The following RFTN2 variants were observed in gnomAD, a reference collection of about 807,000 sequenced individuals.
RFTN2 encodes the protein raftlin-2.
In RFTN2, 34 loss-of-function variants were observed where a neutral mutation model predicts 52.7. That is an observed-to-expected ratio of 0.64 (90% CI 0.49 to 0.86). The LOEUF is 0.86. RFTN2 is among the 40% of genes least tolerant of loss of function. RFTN2 has a pLI of 0.00. For synonymous variants in RFTN2, 203 were observed against 217.7 expected (o/e 0.93, Z 0.59); for missense variants, 536 against 600.1 (o/e 0.89, Z 1.12).
chr2:197,630,554 G>A (rs531024256), intron 5 of RFTN2, among the ~76,000 whole-genome samples: 2 of 152,276 alleles, frequency 1.3e-5, no homozygotes, highest in East Asian at 3.9e-4. Flanking sequence ...CAGAGCCAAC[G>A]TCACTTTCTA....
chr2:197,577,839 C>A (rs1455337894), intron 8 of RFTN2, among the ~76,000 whole-genome samples: 1 of 152,190 alleles, frequency 6.6e-6, no homozygotes, highest in Non-Finnish European at 1.5e-5. Context: ...CTGCCTCAGC[C>A]TCCAGAGTAG....
rs187244885 is a variant in RFTN2 at position 197,627,449 on chromosome 2, G to A, written c.928+3562C>T. Among the ~76,000 whole-genome samples the A allele has an allele frequency of 5.3e-5, 8 of 152,318 alleles. No homozygotes were observed. In the East Asian group the frequency reaches 1.2e-3, roughly 22 times the overall value. On this transcript the variant is annotated intron_variant, in intron 5 of 8. Transcript: ENST00000295049. ...GCTAGCGCCTTGTAAGTAGGGAAGA[G>A]TATTATAAACCCAGTGCTTGGCATG...
intron 5 of RFTN2, among the ~76,000 whole-genome samples, chr2:197,625,247 G>A (rs1167543439): frequency 6.6e-6 from 1 of 152,180 alleles, no homozygotes; most frequent in Non-Finnish European, 1.5e-5. Context: ...TTGTGAACTT[G>A]TGTACTCCTT....
chr2:197,638,106 G>GT (rs2106241651), intron 3 of RFTN2, among the ~76,000 whole-genome samples: 1 of 150,864 alleles, frequency 6.6e-6, no homozygotes, highest in African/African-American at 2.4e-5. Flanking sequence ...CTGAGAGATA[G>GT]TTTGTTATAA....
chr2:197,659,477 T>TAAAAAAA (rs55804577), intron 1 of RFTN2, among the ~76,000 whole-genome samples: 1 of 94,716 alleles, frequency 1.1e-5, no homozygotes, highest in Non-Finnish European at 2.0e-5. Flanking sequence ...CTCCATCTCA[T>TAAAAAAA]AAAAAAAAAA....
In RFTN2 at chr2:197,571,716, T is replaced by G. The variant is rs1373143071; in HGVS notation, c.*292A>C. 1 of 360,684 alleles carries G rather than the reference T, an allele frequency of 2.8e-6. No homozygotes were observed. The highest frequency in any genetic ancestry group is 5.1e-6 in the Non-Finnish European group (1 of 197,322). The allele number at this position is 360,684 out of a possible 1,614,324, so 22.3% of individuals were successfully genotyped here. A position where few individuals can be genotyped will look rare whatever the true frequency, so the allele number is the denominator to read the frequency against. On this transcript the variant is annotated 3_prime_UTR_variant, in exon 9 of 9. Transcript: ENST00000295049. ...ACCAGGAATTGTAAGAAAGTCTACTTTGTACATTCATGAGAAGCTGAAATA... is the reference window on the plus strand; with the variant it reads ...ACCAGGAATTGTAAGAAAGTCTACTGTGTACATTCATGAGAAGCTGAAATA...
chr2:197,650,715 C>T (rs1282581855), intron 1 of RFTN2, among the ~76,000 whole-genome samples: 4 of 152,032 alleles, frequency 2.6e-5, no homozygotes, highest in Non-Finnish European at 4.4e-5. Context: ...GGGTTGTTTC[C>T]ACCTCTTGAC....
intron 8 of RFTN2, among the ~76,000 whole-genome samples, chr2:197,589,464 C>T (rs1269920120): frequency 6.6e-6 from 1 of 152,148 alleles, no homozygotes; most frequent in Non-Finnish European, 1.5e-5. Flanking sequence ...GGATATACCA[C>T]TTTGCATCCC....
intron 8 of RFTN2, among the ~76,000 whole-genome samples, chr2:197,586,111 A>G (rs2087592925): frequency 6.6e-6 from 1 of 152,114 alleles, no homozygotes; most frequent in African/African-American, 2.4e-5. Context: ...AAACTTAAAA[A>G]CATTAGCAGT....
At chr2:197,663,539 C>T (rs2089007569) in intron 1 of RFTN2, among the ~76,000 whole-genome samples, 1 of 152,158 alleles carries the variant, frequency 6.6e-6, no homozygotes, top group South Asian at 2.1e-4. Flanking sequence ...TCTGTTTCTT[C>T]CTGATGCAAT....
intron 8 of RFTN2, among the ~76,000 whole-genome samples, chr2:197,592,055 C>T (rs1478414938): frequency 1.3e-5 from 2 of 152,158 alleles, no homozygotes; most frequent in Admixed American, 1.3e-4. Flanking sequence ...AGAGTGGGCG[C>T]CCAGGCTGAG....
rs748351157 is a variant in RFTN2, at chr2:197,596,048, C to G, written c.1176G>C (p.Lys392Asn). The part of the protein sequence containing the change: ...RHDSEGNLAT[K>N]QIVFLQRPVM... The stretch of plus-strand genomic sequence containing the variant: ...CTGGCCTCTGAAGGAATACGATCTG[C>G]TTTGTAGCCAAATTCCCTTCACTGC... The change falls in exon 8 of 9, where the codon AAG becomes AAC. Residue 392 changes from lysine to asparagine, a missense_variant. Transcript: ENST00000295049. The G allele has an allele frequency of 1.1e-5, 17 of 1,611,014 alleles. No homozygotes were observed. The South Asian group carries it at 1.9e-4, about 18-fold the overall frequency.
chr2:197,620,165 A>G (rs1178056556), intron 5 of RFTN2, among the ~76,000 whole-genome samples: 1 of 152,092 alleles, frequency 6.6e-6, no homozygotes, highest in East Asian at 1.9e-4. Context: ...ACACAGAACA[A>G]TTCTTTACCT....
chr2:197,625,245 T>A (rs2088335017), intron 5 of RFTN2, among the ~76,000 whole-genome samples: 1 of 152,236 alleles, frequency 6.6e-6, no homozygotes, highest in Non-Finnish European at 1.5e-5. Context: ...ACTTGTGAAC[T>A]TGTGTACTCC....
At chr2:197,579,460 A>G (rs1302349121) in intron 8 of RFTN2, among the ~76,000 whole-genome samples, 2 of 152,134 alleles carry the variant, frequency 1.3e-5, no homozygotes, top group Admixed American at 1.3e-4. Flanking sequence ...TTCTTCTCCA[A>G]TGCCACTTGA....
intron 1 of RFTN2, among the ~76,000 whole-genome samples, chr2:197,658,139 C>G (rs2088919368): frequency 6.6e-6 from 1 of 151,330 alleles, no homozygotes; most frequent in Non-Finnish European, 1.5e-5. Context: ...ATGTTTTTTT[C>G]CCCCTCATGC....
At chr2:197,575,179 G>GTC (rs1392499549) in intron 8 of RFTN2, among the ~76,000 whole-genome samples, 1 of 152,168 alleles carries the variant, frequency 6.6e-6, no homozygotes, top group Non-Finnish European at 1.5e-5. Flanking sequence ...TGCATGTGCT[G>GTC]TCTTGCCTGC....
intron 5 of RFTN2, among the ~76,000 whole-genome samples, chr2:197,620,466 TAA>T (rs1282512388): frequency 6.6e-6 from 1 of 151,120 alleles, no homozygotes. Flanking sequence ...GACAGCTCTC[TAA>T]ATTCTAAAGG....
intron 2 of RFTN2, among the ~76,000 whole-genome samples, 186 bp from the exon 3 acceptor site, chr2:197,644,458 A>G (rs1244243451): frequency 6.6e-6 from 1 of 152,224 alleles, no homozygotes; most frequent in African/African-American, 2.4e-5. Context: ...ATTAATTCAA[A>G]TTTCCTTAAT....
Sources: allele counts gnomAD v4.1 joint callset (sites outside exome capture counted in the v4.1 genomes callset), GRCh38; gene constraint gnomAD v4.1.1; transcripts MANE v1.5; gene names NCBI Gene and HGNC (gene_info 2026-07-23, HGNC 2026-07-21).